The following RTTN variants were observed in gnomAD, a reference collection of about 807,000 sequenced individuals.
The protein encoded by RTTN is rotatin.
RTTN carries 182 observed loss-of-function variants against 269.2 expected under a neutral mutation model. That is an observed-to-expected ratio of 0.68 (90% CI 0.60 to 0.76). The LOEUF is 0.76. RTTN is among the 30% of genes least tolerant of loss of function. The pLI, the probability that RTTN is intolerant of heterozygous loss-of-function variation, is 0.00. For missense variants in RTTN, 2,545 were observed against 2,608.6 expected, an observed-to-expected ratio of 0.98 and a Z score of 0.53; for synonymous variants, 1,006 against 963.5, an observed-to-expected ratio of 1.04 and a Z score of -0.82.
At chr18:70,172,113 A>G (rs2061158624) in intron 11 of RTTN, among the ~76,000 whole-genome samples, 1 of 152,180 alleles carries the variant, frequency 6.6e-6, no homozygotes, top group Non-Finnish European at 1.5e-5. Context: ...TGTTTCCCCA[A>G]ATGAAATTAC....
chr18:70,165,871 G>C (rs1599864425), intron 14 of RTTN, among the ~76,000 whole-genome samples, 191 bp downstream of exon 14: 1 of 152,064 alleles, frequency 6.6e-6, no homozygotes. Context: ...CAATTCAATT[G>C]CTGGACTTAC....
intron 10 of RTTN, among the ~76,000 whole-genome samples, chr18:70,180,136 C>T (rs570609665): frequency 1.6e-4 from 25 of 152,066 alleles, no homozygotes; most frequent in African/African-American, 5.1e-4. Flanking sequence ...AAAAAAAATG[C>T]TATTTTATTT....
intron 21 of RTTN, among the ~76,000 whole-genome samples, chr18:70,136,606 A>T (rs2145687715): frequency 6.6e-6 from 1 of 152,130 alleles, no homozygotes; most frequent in East Asian, 1.9e-4. Context: ...AACTTCACTA[A>T]AACTAAAATA....
Position 70,003,994 on chromosome 18 carries a change from G to A in RTTN, c.*157C>T, listed in dbSNP as rs1455005654. The A allele has an allele frequency of 7.3e-6, 4 of 549,814 alleles. No homozygotes were observed. The highest frequency in any genetic ancestry group is 3.8e-5 in the African/African-American group (2 of 52,942). 34.1% of individuals were successfully genotyped at this position (549,814 alleles called of 1,614,324 possible). A position where few individuals can be genotyped will look rare whatever the true frequency, so the allele number is the denominator to read the frequency against. ...AGAGCTGCCACAACTGGACGGTGTT[G>A]GAGTATCACCAGTTCTCTCTCTCAT... On this transcript the variant is annotated 3_prime_UTR_variant, in exon 49 of 49. Transcript: ENST00000640769.
chr18:70,074,480 C>T (rs1305055105), intron 33 of RTTN, among the ~76,000 whole-genome samples: 2 of 152,004 alleles, frequency 1.3e-5, no homozygotes, highest in Admixed American at 6.6e-5. Context: ...CTTAATAATT[C>T]GGGGATAAAG....
At chr18:70,109,912 T>C (rs1485043946) in intron 27 of RTTN, among the ~76,000 whole-genome samples, 195 bp from the exon 28 acceptor site, 1 of 152,066 alleles carries the variant, frequency 6.6e-6, no homozygotes, top group Non-Finnish European at 1.5e-5. Context: ...GAATGTCATA[T>C]AAAATACAAG....
chr18:70,148,645 C>T (rs2060457672), intron 17 of RTTN, among the ~76,000 whole-genome samples: 1 of 152,180 alleles, frequency 6.6e-6, no homozygotes, highest in South Asian at 2.1e-4. Context: ...TAGGGCACTA[C>T]TGAGCGGCAC....
At chr18:70,184,716 T>TTTTGTGTGTG (rs59000945) in intron 10 of RTTN, among the ~76,000 whole-genome samples, 84 of 33,416 alleles carry the variant, frequency 2.5e-3, no homozygotes, top group African/African-American at 4.9e-3. Context: ...TTTTTTTTTT[T>TTTTGTGTGTG]TGTGTGTGTG....
At chr18:70,146,454 T>C (rs909247826) in intron 17 of RTTN, among the ~76,000 whole-genome samples, 1 of 152,178 alleles carries the variant, frequency 6.6e-6, no homozygotes, top group Admixed American at 6.5e-5. Context: ...GACAACCATG[T>C]ATCTGTCACT....
chr18:70,129,457 A>C (rs1219385464), intron 23 of RTTN: 1 of 151,930 alleles, frequency 6.6e-6, no homozygotes, highest in African/African-American at 2.4e-5. Context: ...AAACAGAATA[A>C]AGAATGCACA....
chr18:70,011,797 G>T (rs1467052581), intron 46 of RTTN, among the ~76,000 whole-genome samples: 1 of 152,196 alleles, frequency 6.6e-6, no homozygotes, highest in Non-Finnish European at 1.5e-5. Flanking sequence ...TCAAGGCAGG[G>T]TCTGTGAGTG....
chr18:70,139,621 A>G lies in RTTN; in HGVS notation c.2766T>C (p.Ser922=), dbSNP rs760842675. The G allele has an allele frequency of 1.9e-6, 3 of 1,610,592 alleles. No individual in the cohort carries two copies. Among genetic ancestry groups the G allele is most frequent in the Non-Finnish European group, 2.5e-6 (3 of 1,177,110 alleles). ...TACCTCTGAATAACACGGTCAAAAG[A>G]GAAGACTGTTGCGAGAGCGAAACAC... ...VMRVSLSQQS[S]LLTVLFRVSL... is the part of the protein sequence containing the mutation. Residue 922 remains serine, a synonymous_variant, in exon 21 of 49, where the codon TCT becomes TCC. Coordinates refer to ENST00000640769, the MANE Select transcript of RTTN (RefSeq NM_173630.4).
intron 32 of RTTN, among the ~76,000 whole-genome samples, chr18:70,084,329 G>C (rs1447895088): frequency 1.3e-5 from 2 of 151,966 alleles, no homozygotes; most frequent in Non-Finnish European, 2.9e-5. Flanking sequence ...CACTATGAAA[G>C]GGACACTAAA....
At chr18:70,040,756 T>C (rs180935963) in intron 40 of RTTN, among the ~76,000 whole-genome samples, 2 of 152,238 alleles carry the variant, frequency 1.3e-5, no homozygotes, top group African/African-American at 4.8e-5. Flanking sequence ...ATTCAAGAAA[T>C]TGAAATAATA....
chr18:70,196,073 T>C (rs1406484662), intron 7 of RTTN, among the ~76,000 whole-genome samples: 1 of 152,208 alleles, frequency 6.6e-6, no homozygotes, highest in Non-Finnish European at 1.5e-5. Context: ...CTGCAACACT[T>C]GACTACATTG....
At chr18:70,056,981 T>C (rs2057835537) in intron 37 of RTTN, among the ~76,000 whole-genome samples, 1 of 152,112 alleles carries the variant, frequency 6.6e-6, no homozygotes, top group Admixed American at 6.5e-5. Flanking sequence ...AGCAGAAAAA[T>C]GGAGGAGACA....
chr18:70,015,363 C>G (rs951859675), intron 46 of RTTN, among the ~76,000 whole-genome samples: 11 of 152,052 alleles, frequency 7.2e-5, no homozygotes, highest in African/African-American at 2.7e-4. Flanking sequence ...ATGCCAAGCC[C>G]CAGATCTATT....
chr18:70,180,820 G>A (rs62089139), intron 10 of RTTN, among the ~76,000 whole-genome samples: 31 of 152,098 alleles, frequency 2.0e-4, no homozygotes, highest in Non-Finnish European at 4.0e-4. Flanking sequence ...AACTATCTTA[G>A]TTTACGTGTT....
At chr18:70,057,970 T>A in intron 36 of RTTN, 138 bp from the exon 37 acceptor site, 1 of 563,724 alleles carries the variant, frequency 1.8e-6, no homozygotes, top group Non-Finnish European at 3.0e-6. Flanking sequence ...AGAAAATGTT[T>A]ATAAAAAGAT....
Sources: allele counts gnomAD v4.1 joint callset (sites outside exome capture counted in the v4.1 genomes callset), GRCh38; gene constraint gnomAD v4.1.1; transcripts MANE v1.5; gene names NCBI Gene and HGNC (gene_info 2026-07-23, HGNC 2026-07-21).